The following WDR20 variants were observed in gnomAD, a reference collection of about 807,000 sequenced individuals.
WDR20 encodes WD repeat domain 20.
WDR20 carries 3 observed loss-of-function variants against 38.7 expected under a neutral mutation model. The observed-to-expected ratio is 0.08, with a 90% CI of 0.04 to 0.20. The LOEUF (loss-of-function observed/expected upper bound fraction) is 0.20, where lower values mean the gene tolerates loss of function less well. Among genes scored for constraint, WDR20 ranks in the 10% least tolerant of loss-of-function variants. The pLI, the probability that WDR20 is intolerant of heterozygous loss-of-function variation, is 1.00. For synonymous variants in WDR20, 298 were observed against 285.6 expected (o/e 1.04, Z -0.44); for missense variants, 559 against 727.7 (o/e 0.77, Z 2.67).
At chr14:102,169,931 A>G (rs1044197128) in intron 1 of WDR20, among the ~76,000 whole-genome samples, 3 of 152,168 alleles carry the variant, frequency 2.0e-5, no homozygotes, top group Non-Finnish European at 2.9e-5. Flanking sequence ...ACATGGTTCA[A>G]AATTCAAAGA....
At chr14:102,214,971 T>A (rs2153043401), downstream of WDR20, 1 of 985,298 alleles carries the variant, frequency 1.0e-6, no homozygotes, top group Non-Finnish European at 1.2e-6. Flanking sequence ...CTCTGTATAC[T>A]GACATTAAAT....
chr14:102,206,594 A>G (rs1394421769), intron 2 of WDR20, among the ~76,000 whole-genome samples: 2 of 152,198 alleles, frequency 1.3e-5, no homozygotes, highest in African/African-American at 4.8e-5. Context: ...GGTTCTGGTG[A>G]AATGTAAGGT....
chr14:102,168,331 G>A (rs916765185), intron 1 of WDR20, among the ~76,000 whole-genome samples: 1 of 151,874 alleles, frequency 6.6e-6, no homozygotes, highest in African/African-American at 2.4e-5. Flanking sequence ...AAATAGAGTA[G>A]TTTATTGTAG....
chr14:102,174,967 C>T (rs979006303), intron 1 of WDR20, among the ~76,000 whole-genome samples: 22 of 152,064 alleles, frequency 1.4e-4, no homozygotes, highest in African/African-American at 5.3e-4. Context: ...TAGTCCTTTG[C>T]TGGATGCACA....
At chr14:102,160,732 G>A (rs1176521608) in intron 1 of WDR20, among the ~76,000 whole-genome samples, 1 of 151,644 alleles carries the variant, frequency 6.6e-6, no homozygotes, top group Non-Finnish European at 1.5e-5. Flanking sequence ...CACAAGGTCA[G>A]GAGATCAAGA....
chr14:102,193,678 A>G (rs2058927237), intron 1 of WDR20, among the ~76,000 whole-genome samples: 1 of 152,184 alleles, frequency 6.6e-6, no homozygotes, highest in Non-Finnish European at 1.5e-5. Context: ...CTCATTACTT[A>G]TATTTGTTAT....
downstream of WDR20, among the ~76,000 whole-genome samples, chr14:102,216,635 ATAGC>A (rs2063250223): frequency 1.3e-5 from 2 of 152,212 alleles, no homozygotes; most frequent in South Asian, 4.1e-4. Context: ...AAAAATAAAA[ATAGC>A]TAGTTCTCAG....
rs1491302896 is a variant in WDR20, at chr14:102,183,071, A to AG, written c.250-11867_250-11866insG. On this transcript the variant is annotated intron_variant, in intron 1 of 2. Transcript: ENST00000342702. Reference sequence around the variant, plus strand: ...AGAGCTCTCCGTCTCAGAGAGAGAGAAAAAAAAAGAAAGTTGTGCCATGAA... The same window carrying AG: ...AGAGCTCTCCGTCTCAGAGAGAGAGAGAAAAAAAAGAAAGTTGTGCCATGAA... 5.9e-5 allele frequency among the ~76,000 whole-genome samples: 9 copies of AG among 151,350 alleles called. No homozygotes were observed. In the East Asian group the frequency reaches 1.4e-3, roughly 23 times the overall value.
intron 1 of WDR20, among the ~76,000 whole-genome samples, chr14:102,189,291 C>T (rs557330387): frequency 1.3e-5 from 2 of 152,204 alleles, no homozygotes; most frequent in East Asian, 3.9e-4. Flanking sequence ...ACTTACTGAT[C>T]GAGGCTTTGG....
Position 102,209,396 on chromosome 14 carries a change from C to G in WDR20, c.1226C>G (p.Pro409Arg). The G allele has an allele frequency of 6.2e-7, 1 of 1,614,134 alleles. No homozygotes were observed. Among genetic ancestry groups the G allele is most frequent in the Non-Finnish European group, 8.5e-7 (1 of 1,180,032 alleles). ...ACAAATGTCATGAATGCCACGAGTCCTCCTGCTGGAAGCAATGGGAACAGT... is the reference window on the plus strand; with the variant it reads ...ACAAATGTCATGAATGCCACGAGTCGTCCTGCTGGAAGCAATGGGAACAGT... The part of the protein sequence containing the change: ...THTNVMNATS[P>R]PAGSNGNSVT... Residue 409 changes from proline (P) to arginine (R), a missense_variant, in exon 3 of 3, where the codon CCT becomes CGT. Physicochemically the swap from Pro to Arg is moderately radical, Grantham distance 103 (BLOSUM62 -2). Transcript: ENST00000342702. The surrounding 1 kb of genome is among the most constrained non-coding windows in gnomAD (Gnocchi z 6.0).
chr14:102,209,469 C>T lies in WDR20; in HGVS notation c.1299C>T (p.Asn433=), dbSNP rs773886248. The part of the protein sequence containing the change: ...NSVPPPLPRS[N]SLPHSAVSNA... ...TGCCGCCTCCTCTGCCACGGTCCAA[C>T]AGCCTTCCACATTCAGCAGTCTCAA... Residue 433 remains asparagine, a synonymous_variant, in exon 3 of 3, where the codon AAC becomes AAT. Coordinates refer to ENST00000342702, the MANE Select transcript of WDR20 (RefSeq NM_144574.4). The surrounding 1 kb of genome is among the most constrained non-coding windows in gnomAD (Gnocchi z 6.0). The T allele has an allele frequency of 5.0e-6, 8 of 1,614,202 alleles. No individual in the cohort carries two copies. In the Admixed American group the frequency reaches 1.3e-4, roughly 27 times the overall value.
downstream of WDR20, among the ~76,000 whole-genome samples, chr14:102,211,862 C>T (rs1031362388): frequency 6.6e-6 from 1 of 152,172 alleles, no homozygotes; most frequent in African/African-American, 2.4e-5. The surrounding 1 kb of genome is among the most constrained non-coding windows in gnomAD (Gnocchi z 4.2). Context: ...AGTGGCCGAT[C>T]CCAAGTAAGT....
At chr14:102,213,976 G>A (rs955192253), downstream of WDR20, 80 of 985,478 alleles carry the variant, frequency 8.1e-5, no homozygotes, top group East Asian at 5.7e-4. Context: ...AGCGTCTGGC[G>A]TCCAGCTTTG....
intron 1 of WDR20, among the ~76,000 whole-genome samples, chr14:102,163,683 A>G (rs1368087921): frequency 6.6e-6 from 1 of 151,362 alleles, no homozygotes; most frequent in Admixed American, 6.6e-5. Context: ...TAGCAGCAGA[A>G]AATGGAGTAA....
chr14:102,209,666 C>G lies in WDR20; in HGVS notation c.1496C>G (p.Thr499Ser). The change falls in exon 3 of 3, where the codon ACC becomes AGC. Residue 499 changes from threonine to serine, a missense_variant. By Grantham distance (58) the Thr-to-Ser change is moderately conservative. Coordinates refer to ENST00000342702, the MANE Select transcript of WDR20 (RefSeq NM_144574.4). The surrounding 1 kb of genome is among the most constrained non-coding windows in gnomAD (Gnocchi z 6.0). ...AGCAGTGACAAACTGAATCTAGTTA[C>G]CAAAACCAAAACGGACCCTGCTAAA... The part of the protein sequence containing the change: ...SKSSDKLNLV[T>S]KTKTDPAKTL... 6.2e-7 allele frequency: 1 copy of G among 1,614,116 alleles called. No homozygotes were observed.
Position 102,209,141 on chromosome 14 carries a change from C to T in WDR20, c.971C>T (p.Pro324Leu). The T allele has an allele frequency of 6.2e-7, 1 of 1,613,984 alleles. No homozygotes were observed. Among genetic ancestry groups the T allele is most frequent in the Non-Finnish European group, 8.5e-7 (1 of 1,179,964 alleles). Reference sequence around the variant, plus strand: ...ACCACTAGTGTAGAAGAAGGTGACCCTATGGAGTTTAGTGGCAGCGATGAG... The same window carrying T: ...ACCACTAGTGTAGAAGAAGGTGACCTTATGGAGTTTAGTGGCAGCGATGAG... ...PYTTSVEEGDPMEFSGSDEDF... is the reference protein window; with the variant it reads ...PYTTSVEEGDLMEFSGSDEDF... The change falls in exon 3 of 3, where the codon CCT (proline) becomes CTT (leucine). Residue 324 changes from proline (P) to leucine (L), a missense_variant. Transcript: ENST00000342702. This position sits in a 1 kb window ranked among gnomAD's most constrained non-coding sequence, Gnocchi z 6.0.
intron 1 of WDR20, among the ~76,000 whole-genome samples, chr14:102,154,691 A>G (rs1234559752): frequency 6.6e-6 from 1 of 152,206 alleles, no homozygotes; most frequent in Non-Finnish European, 1.5e-5. Flanking sequence ...TACCTAGAAC[A>G]GTGCTTGGCA....
At chr14:102,199,895 A>G (rs148789316) in intron 2 of WDR20, among the ~76,000 whole-genome samples, 1 of 152,378 alleles carries the variant, frequency 6.6e-6, no homozygotes, top group African/African-American at 2.4e-5. Context: ...CAAAGAAGGT[A>G]GGAAAGCATC....
downstream of WDR20, chr14:102,213,887 A>G (rs745665574): frequency 2.0e-5 from 20 of 985,326 alleles, no homozygotes; most frequent in Non-Finnish European, 2.3e-5. Context: ...CAAGCGCCAC[A>G]TCATGCGTGT....
Sources: gnomAD v4.1 joint callset for allele counts (sites outside exome capture counted in the v4.1 genomes callset) on GRCh38, gnomAD v4.1.1 for gene constraint, Gnocchi (gnomAD v3.1) non-coding constraint, MANE v1.5 for transcripts, NCBI Gene and HGNC (gene_info 2026-07-23, HGNC 2026-07-21) for gene names.